Variants in RASGRP2 observed in about 807,000 individuals in gnomAD.
RASGRP2 encodes RAS guanyl-releasing protein 2.
Under a neutral mutation model 71.0 loss-of-function variants are expected in RASGRP2, and 44 were observed. The observed-to-expected ratio is 0.62, with a 90% CI of 0.49 to 0.80. The LOEUF (loss-of-function observed/expected upper bound fraction) is 0.80. Among genes scored for constraint, RASGRP2 ranks in the 30% least tolerant of loss-of-function variants. The pLI is 0.00. For missense variants in RASGRP2, 663 were observed against 813.4 expected (o/e 0.82, Z 2.25); for synonymous variants, 350 against 330.7 (o/e 1.06, Z -0.63).
In RASGRP2 at chr11:64,737,222, C is replaced by T. The variant is rs951286769; in HGVS notation, c.814-188G>A. On this transcript the variant is annotated intron_variant, in intron 8 of 16. Coordinates refer to ENST00000394432, the MANE Select transcript of RASGRP2 (RefSeq NM_001098671.2). ...TGAATTCATTGCCATGAATTCAAGG[C>T]AATACTCACTGCCAAAAGCACCACA... 3.0e-5 allele frequency: 20 copies of T among 665,358 alleles called. No homozygotes were observed. The Admixed American group carries it at 4.6e-4, about 15-fold the overall frequency. 41.2% of individuals were successfully genotyped at this position (665,358 alleles called of 1,614,324 possible). A position where few individuals can be genotyped will look rare whatever the true frequency, so the allele number is the denominator to read the frequency against.
At position 64,743,092 on chromosome 11, in the gene RASGRP2, TGG is replaced by T; in HGVS notation, c.-71-157_-71-156del. On this transcript the variant is annotated intron_variant, in intron 1 of 16. Transcript: ENST00000394432. This position sits in a 1 kb window ranked among gnomAD's most constrained non-coding sequence, Gnocchi z 4.9. ...CGGGGTTAAACGGTCTGGCCCGGGA[TGG>T]TGCAACCCGCCAGTTGGGAAACGGA... The T allele has an allele frequency of 1.2e-6, 1 of 844,646 alleles. No homozygotes were observed. Among genetic ancestry groups the T allele is most frequent in the Non-Finnish European group, 1.9e-6 (1 of 519,866 alleles). 52.3% of individuals were successfully genotyped at this position (844,646 alleles called of 1,614,324 possible). A position where few individuals can be genotyped will look rare whatever the true frequency, so the allele number is the denominator to read the frequency against.
chr11:64,731,359 G>GAAAAA (rs542490938), intron 12 of RASGRP2, among the ~76,000 whole-genome samples: 3 of 89,964 alleles, frequency 3.3e-5, no homozygotes, highest in Non-Finnish European at 4.6e-5. Flanking sequence ...CCCTGTCTCA[G>GAAAAA]AAAAAAAAAA....
rs1425573381 is a variant in RASGRP2, at chr11:64,729,992, A to C, written c.1554+61T>G. The C allele has an allele frequency of 5.8e-6, 8 of 1,371,296 alleles. No homozygotes were observed. In the East Asian group the frequency reaches 2.2e-4, roughly 37 times the overall value. The allele number at this position is 1,371,296 out of a possible 1,614,324, so 84.9% of individuals were successfully genotyped here. A position where few individuals can be genotyped will look rare whatever the true frequency, so the allele number is the denominator to read the frequency against. ...TCTGGCAGAGGCGGGGCCAGAAGGG[A>C]GGGCGGGGCCGGGGCTGGAGGGGCG... On this transcript the variant is annotated intron_variant, in intron 13 of 16. Transcript: ENST00000394432.
intron 12 of RASGRP2, among the ~76,000 whole-genome samples, chr11:64,732,822 C>T (rs2057805156): frequency 6.7e-6 from 1 of 149,292 alleles, no homozygotes; most frequent in South Asian, 2.1e-4. Context: ...TGGTGGCGCG[C>T]GCCTGTAATC....
Position 64,730,103 on chromosome 11 carries a change from G to A in RASGRP2, c.1504C>T (p.Gln502Ter). The A allele has an allele frequency of 6.4e-7, 1 of 1,550,880 alleles. No individual in the cohort carries two copies. The highest frequency in any genetic ancestry group is 8.7e-7 in the Non-Finnish European group (1 of 1,147,150). Residue 502 changes from glutamine to a stop codon, truncating the protein, a stop_gained, in exon 13 of 17, where the codon CAG (glutamine) becomes TAG (stop). Transcript: ENST00000394432. LOFTEE classifies it high-confidence loss of function. Reference sequence around the variant, plus strand: ...ACGGGGCGCAAGGAGTTGCTCTCCTGGAAGTTGTGTACGAAGCCCATGCGC... The same window carrying A: ...ACGGGGCGCAAGGAGTTGCTCTCCTAGAAGTTGTGTACGAAGCCCATGCGC... ...GGRMGFVHNF[Q>*]ESNSLRPVAC...
At chr11:64,741,114 C>A in intron 4 of RASGRP2, 35 bp from the exon 5 acceptor site, 1 of 1,607,726 alleles carries the variant, frequency 6.2e-7, no homozygotes, top group Non-Finnish European at 8.5e-7. Context: ...GATAGCCCTT[C>A]CCCCACCATC....
At position 64,739,369 on chromosome 11, in the gene RASGRP2, C is replaced by T. The variant is rs780399270; in HGVS notation, c.804G>A (p.Glu268=). The T allele has an allele frequency of 6.2e-7, 1 of 1,614,010 alleles. No homozygotes were observed. Among genetic ancestry groups the T allele is most frequent in the Admixed American group, 1.7e-5 (1 of 60,024 alleles). Reference sequence around the variant, plus strand: ...CCCCAGTCCCAGGCACCTTGATGGTCTCAGGGCTAACGTGGCTGTGGGTCT... The same window carrying T: ...CCCCAGTCCCAGGCACCTTGATGGTTTCAGGGCTAACGTGGCTGTGGGTCT... The part of the protein sequence containing the change: ...LKETHSHVSP[E]TIKLWEGLTE... Residue 268 remains glutamate, a synonymous_variant, in exon 8 of 17, where the codon GAG becomes GAA. Coordinates refer to ENST00000394432, the MANE Select transcript of RASGRP2 (RefSeq NM_001098671.2). The surrounding 1 kb of genome is among the most constrained non-coding windows in gnomAD (Gnocchi z 4.2).
Position 64,739,603 on chromosome 11 carries a change from G to A in RASGRP2, c.696+33C>T. On this transcript the variant is annotated intron_variant, in intron 7 of 16. Coordinates refer to ENST00000394432, the MANE Select transcript of RASGRP2 (RefSeq NM_001098671.2). This position sits in a 1 kb window ranked among gnomAD's most constrained non-coding sequence, Gnocchi z 4.2. The stretch of plus-strand genomic sequence containing the variant: ...GGTTGGCCTGACTGGCATGTGGGGT[G>A]GTTGGGAGACACCGGGAGGGAGGGG... 2 of 1,612,912 alleles carry A rather than the reference G, an allele frequency of 1.2e-6. No homozygotes were observed. The highest frequency in any genetic ancestry group is 1.7e-6 in the Non-Finnish European group (2 of 1,179,066).
At chr11:64,741,120 C>T (rs1431210754) in intron 4 of RASGRP2, 41 bp from the exon 5 acceptor site, 1 of 1,606,656 alleles carries the variant, frequency 6.2e-7, no homozygotes, top group Non-Finnish European at 8.5e-7. Flanking sequence ...CCTTCCCCCA[C>T]CATCACCCAG....
chr11:64,740,406 G>C (rs2058084552), intron 5 of RASGRP2: 1 of 681,844 alleles, frequency 1.5e-6, no homozygotes, highest in Non-Finnish European at 2.8e-6. Flanking sequence ...GGAATACAGA[G>C]ATGAGTAAGA....
intron 12 of RASGRP2, among the ~76,000 whole-genome samples, chr11:64,731,264 G>A (rs780681752): frequency 1.5e-4 from 23 of 151,398 alleles, no homozygotes; most frequent in African/African-American, 4.4e-4. Context: ...GCTAAGGCAC[G>A]AGAATCACTT....
intron 12 of RASGRP2, among the ~76,000 whole-genome samples, chr11:64,733,024 C>CTGAG (rs1427324376): frequency 2.6e-5 from 4 of 151,638 alleles, no homozygotes; most frequent in Non-Finnish European, 5.9e-5. Flanking sequence ...ACTTGGGAGG[C>CTGAG]TGAGGCATGA....
Position 64,728,863 on chromosome 11 carries a change from C to T in RASGRP2, c.1771G>A (p.Glu591Lys). The part of the protein sequence containing the change: ...RPGRRGSRPP[E>K]IREEEVQTVE... ...CCAGTACAGAATGACTCCCTCTTAC[C>T]TGGAGGCCTGGAGCCTCGCCTGCCA... The change falls in exon 15 of 17, where the codon GAG becomes AAG. Residue 591 changes from glutamate (E) to lysine (K), a missense_variant and splice_region_variant. Glu to Lys is a moderately conservative substitution (Grantham distance 56). Transcript: ENST00000394432. The T allele has an allele frequency of 6.2e-7, 1 of 1,608,916 alleles. No individual in the cohort carries two copies. Among genetic ancestry groups the T allele is most frequent in the Non-Finnish European group, 8.5e-7 (1 of 1,177,814 alleles).
In RASGRP2 at chr11:64,740,953, G is replaced by A. The variant is rs752755233; in HGVS notation, c.366C>T (p.Asp122=). The change falls in exon 5 of 17, where the codon GAC becomes GAT. Residue 122 remains aspartate, a synonymous_variant. Coordinates refer to ENST00000394432, the MANE Select transcript of RASGRP2 (RefSeq NM_001098671.2). ...NRRHSSLIDI[D]SVPTYKWKRQ... is the part of the protein sequence containing the mutation. ...TCTGTGCTCCCCCCACGCACACGCT[G>A]TCTATGTCGATTAGGCTGCTGTGCC... is the stretch of plus-strand genomic sequence containing the variant. 1.9e-6 allele frequency: 3 copies of A among 1,613,732 alleles called. No homozygotes were observed. The East Asian group carries it at 6.7e-5, about 36-fold the overall frequency.
Position 64,736,750 on chromosome 11 carries a change from C to A in RASGRP2, c.1095+3G>T. On this transcript the variant is annotated splice_donor_region_variant and intron_variant, in intron 9 of 16. Coordinates refer to ENST00000394432, the MANE Select transcript of RASGRP2 (RefSeq NM_001098671.2). ...CCCCACCTCCCTGCCCCCTGCTCCTCACCGTGAGCAGGCTCAGCAGGTCGG... is the reference window on the plus strand; with the variant it reads ...CCCCACCTCCCTGCCCCCTGCTCCTAACCGTGAGCAGGCTCAGCAGGTCGG... 6.3e-7 allele frequency: 1 copy of A among 1,577,772 alleles called. No individual in the cohort carries two copies. The highest frequency in any genetic ancestry group is 8.6e-7 in the Non-Finnish European group (1 of 1,162,394).
At chr11:64,741,635 G>T in intron 3 of RASGRP2, 134 bp from the exon 4 acceptor site, 1 of 844,994 alleles carries the variant, frequency 1.2e-6, no homozygotes, top group South Asian at 1.4e-5. Flanking sequence ...TGCTGGGGGT[G>T]AGGCTTGAGC....
At chr11:64,741,956 G>A (rs2058137758) in intron 3 of RASGRP2, 54 bp downstream of exon 3, 3 of 1,456,034 alleles carry the variant, frequency 2.1e-6, no homozygotes, top group Admixed American at 1.8e-5. Context: ...CTGGGCAGAG[G>A]GGCTGCGCAT....
intron 5 of RASGRP2, 191 bp from the exon 6 acceptor site, chr11:64,740,354 T>G: frequency 4.1e-6 from 3 of 730,552 alleles, no homozygotes; most frequent in Non-Finnish European, 7.5e-6. Flanking sequence ...AACACACATT[T>G]ATGAACAACG....
At chr11:64,741,164 C>T in intron 4 of RASGRP2, 85 bp from the exon 5 acceptor site, 8 of 1,527,602 alleles carry the variant, frequency 5.2e-6, no homozygotes, top group Non-Finnish European at 7.1e-6. Context: ...ATTATAGTCA[C>T]CTAAGCAAAA....
Sources: allele counts gnomAD v4.1 joint callset (sites outside exome capture counted in the v4.1 genomes callset), GRCh38; gene constraint gnomAD v4.1.1; non-coding constraint Gnocchi (gnomAD v3.1); transcripts MANE v1.5; gene names NCBI Gene and HGNC (gene_info 2026-07-23, HGNC 2026-07-21).